The following RSPRY1 variants were observed in gnomAD, a reference collection of about 807,000 sequenced individuals.
RSPRY1 encodes the protein ring finger and SPRY domain containing 1.
In RSPRY1, 23 loss-of-function variants were observed where a neutral mutation model predicts 73.1. The observed-to-expected ratio is 0.31, with a 90% CI of 0.23 to 0.45. The LOEUF (loss-of-function observed/expected upper bound fraction) is 0.45, where lower values mean the gene tolerates loss of function less well. RSPRY1 is among the 20% of genes least tolerant of loss of function. RSPRY1 has a pLI of 1.00. For missense variants in RSPRY1, 448 were observed against 698.7 expected (o/e 0.64, Z 4.05); for synonymous variants, 226 against 251.4 (o/e 0.90, Z 0.95).
chr16:57,197,909 A>G (rs2074480988), intron 1 of RSPRY1, among the ~76,000 whole-genome samples: 1 of 151,856 alleles, frequency 6.6e-6, no homozygotes, highest in South Asian at 2.1e-4. Flanking sequence ...TTTTTTCTGT[A>G]GAAATGGGGT....
In RSPRY1 at chr16:57,215,241, A is replaced by G. The variant is rs367917259; in HGVS notation, c.703-866A>G. Among the ~76,000 whole-genome samples, 3 of 152,188 alleles carry G rather than the reference A, an allele frequency of 2.0e-5. No homozygotes were observed. The East Asian group carries it at 5.8e-4, about 29-fold the overall frequency. Reference sequence around the variant, plus strand: ...GAGACAGAGAATTGTCTGATGAGAGAAGACAGTGTTCAGAGATAGGACACA... The same window carrying G: ...GAGACAGAGAATTGTCTGATGAGAGGAGACAGTGTTCAGAGATAGGACACA... On this transcript the variant is annotated intron_variant, in intron 6 of 14. Coordinates refer to ENST00000394420, the MANE Select transcript of RSPRY1 (RefSeq NM_133368.3).
At chr16:57,188,034 A>C (rs2074279648) in intron 1 of RSPRY1, among the ~76,000 whole-genome samples, 2 of 152,226 alleles carry the variant, frequency 1.3e-5, no homozygotes, top group Non-Finnish European at 2.9e-5. Context: ...CAGGCAGTGA[A>C]TATCATACTT....
chr16:57,189,183 G>A (rs1193244024), intron 1 of RSPRY1, among the ~76,000 whole-genome samples: 2 of 151,440 alleles, frequency 1.3e-5, no homozygotes, highest in Non-Finnish European at 2.9e-5. Context: ...TTAGTAGAGA[G>A]GGAGTTTCAC....
chr16:57,201,253 C>T (rs2074594619), intron 1 of RSPRY1, among the ~76,000 whole-genome samples: 1 of 151,312 alleles, frequency 6.6e-6, no homozygotes, highest in Non-Finnish European at 1.5e-5. Flanking sequence ...GTGTGGCTGC[C>T]AGGTGGAGGG....
intron 4 of RSPRY1, among the ~76,000 whole-genome samples, chr16:57,212,504 G>A (rs551351684): frequency 6.6e-6 from 1 of 152,238 alleles, no homozygotes; most frequent in South Asian, 2.1e-4. Context: ...AATCTAGTAA[G>A]TCATGTAAGG....
In RSPRY1 at chr16:57,231,292, C is replaced by T. The variant is rs1567516048; in HGVS notation, c.1502C>T (p.Thr501Ile). The T allele has an allele frequency of 1.2e-6, 2 of 1,612,986 alleles. No homozygotes were observed. Among genetic ancestry groups the T allele is most frequent in the Non-Finnish European group, 1.7e-6 (2 of 1,179,662 alleles). ...FSTFNDYAFL[T>I]AEEKIILPRH... ...ACTTTTAATGACTACGCCTTCCTAA[C>T]AGCTGAAGAAAAAATCATTTTGCCA... The change falls in exon 13 of 15, where the codon ACA (threonine) becomes ATA (isoleucine). Residue 501 changes from threonine (T) to isoleucine (I), a missense_variant. Transcript: ENST00000394420.
chr16:57,231,336 G>A lies in RSPRY1; in HGVS notation c.1529+17G>A, dbSNP rs1223797140. The A allele has an allele frequency of 1.9e-6, 3 of 1,598,058 alleles. No individual in the cohort carries two copies. Among genetic ancestry groups the A allele is most frequent in the Admixed American group, 1.7e-5 (1 of 58,248 alleles). On this transcript the variant is annotated intron_variant, in intron 13 of 14. Coordinates refer to ENST00000394420, the MANE Select transcript of RSPRY1 (RefSeq NM_133368.3). ...TTTGCCAAGGTAAGGAATCTGCCCA[G>A]GCTATCTCCAGACTTTCACATGAAT...
At chr16:57,232,539 C>G (rs1428368453) in intron 13 of RSPRY1, among the ~76,000 whole-genome samples, 1 of 152,094 alleles carries the variant, frequency 6.6e-6, no homozygotes. Flanking sequence ...TCTATCATAC[C>G]CCGTTCTTTT....
intron 3 of RSPRY1, 29 bp downstream of exon 3, chr16:57,208,139 A>G: frequency 7.6e-7 from 1 of 1,307,194 alleles, no homozygotes. Context: ...TCATTACTTT[A>G]TAATGAATAT....
Position 57,224,739 on chromosome 16 carries a change from T to TA in RSPRY1, c.1162-2600dup, listed in dbSNP as rs1352435906. Among the ~76,000 whole-genome samples the TA allele has an allele frequency of 3.3e-5, 5 of 152,334 alleles. No individual in the cohort carries two copies. In the East Asian group the frequency reaches 9.6e-4, roughly 29 times the overall value. On this transcript the variant is annotated intron_variant, in intron 10 of 14. Coordinates refer to ENST00000394420, the MANE Select transcript of RSPRY1 (RefSeq NM_133368.3). ...AAATCTGTAGATGCTGCTCTGTAGT[T>TA]AAAGTTATTAGAGTTCCTTCTTTGT...
At chr16:57,223,633 G>C (rs1255431787) in intron 10 of RSPRY1, among the ~76,000 whole-genome samples, 31 of 152,132 alleles carry the variant, frequency 2.0e-4, no homozygotes, top group Non-Finnish European at 5.9e-5. Context: ...TTAGCTGGGC[G>C]TGGTGGCGGG....
intron 8 of RSPRY1, among the ~76,000 whole-genome samples, chr16:57,218,316 A>G (rs2074973266): frequency 6.6e-6 from 1 of 152,160 alleles, no homozygotes; most frequent in Non-Finnish European, 1.5e-5. Context: ...CATTCCAATT[A>G]TACTCTTTTG....
At chr16:57,194,581 A>G (rs2074406480) in intron 1 of RSPRY1, among the ~76,000 whole-genome samples, 4 of 152,124 alleles carry the variant, frequency 2.6e-5, no homozygotes, top group Admixed American at 2.6e-4. Flanking sequence ...GGAGGGTTGG[A>G]AAAAAAGTCA....
At chr16:57,206,387 T>C (rs1223772396) in intron 2 of RSPRY1, among the ~76,000 whole-genome samples, 1 of 152,074 alleles carries the variant, frequency 6.6e-6, no homozygotes, top group African/African-American at 2.4e-5. Context: ...GCCTGGGCAA[T>C]AGAGCAAGAC....
At chr16:57,210,189 T>C (rs1444024526) in intron 4 of RSPRY1, among the ~76,000 whole-genome samples, 3 of 151,762 alleles carry the variant, frequency 2.0e-5, no homozygotes, top group African/African-American at 7.3e-5. Flanking sequence ...AGTGATCCTC[T>C]TGCCTCAGCT....
intron 1 of RSPRY1, among the ~76,000 whole-genome samples, chr16:57,200,045 C>T (rs1232639203): frequency 1.4e-5 from 2 of 146,742 alleles, no homozygotes; most frequent in African/African-American, 5.1e-5. Flanking sequence ...AGGCAGAGGA[C>T]CCTGCGGCCT....
Position 57,210,452 on chromosome 16 carries a change from T to C in RSPRY1, c.516+1265T>C, listed in dbSNP as rs928337621. 3.9e-4 allele frequency among the ~76,000 whole-genome samples: 59 copies of C among 152,148 alleles called. 2 individuals are homozygous for C. Among genetic ancestry groups the C allele is most frequent in the Admixed American group, 3.7e-3 (57 of 15,274 alleles). Reference sequence around the variant, plus strand: ...GCGCGGTGGTTCACGCCTGTAATCCTAGCACTTTGGGAGGCTGAGGTGGGT... The same window carrying C: ...GCGCGGTGGTTCACGCCTGTAATCCCAGCACTTTGGGAGGCTGAGGTGGGT... On this transcript the variant is annotated intron_variant, in intron 4 of 14. Transcript: ENST00000394420.
intron 8 of RSPRY1, 25 bp from the exon 9 acceptor site, chr16:57,220,707 A>G (rs1197885642): frequency 6.7e-7 from 1 of 1,502,088 alleles, no homozygotes; most frequent in East Asian, 2.3e-5. Flanking sequence ...CTGCCTTAGA[A>G]ACATGAACAC....
At chr16:57,231,420 GA>G in intron 13 of RSPRY1, 101 bp downstream of exon 13, 6 of 1,176,410 alleles carry the variant, frequency 5.1e-6, no homozygotes, top group Non-Finnish European at 1.2e-6. Context: ...AATAAATTTT[GA>G]AAACCTGAGT....
Sources: gnomAD v4.1 joint callset for allele counts (sites outside exome capture counted in the v4.1 genomes callset) on GRCh38, gnomAD v4.1.1 for gene constraint, MANE v1.5 for transcripts, NCBI Gene and HGNC (gene_info 2026-07-23, HGNC 2026-07-21) for gene names.